The following SFXN1 variants were observed in gnomAD, a reference collection of about 807,000 sequenced individuals.
SFXN1 encodes sideroflexin 1.
Under a neutral mutation model 39.5 loss-of-function variants are expected in SFXN1, and 32 were observed. The ratio of observed to expected loss-of-function variants is 0.81; its 90% CI spans 0.61 to 1.09. The LOEUF (loss-of-function observed/expected upper bound fraction) is 1.09. Ranked by LOEUF, SFXN1 falls within the 50% of genes least tolerant of loss-of-function variation. The pLI is 0.00. For synonymous variants in SFXN1, 136 were observed against 146.5 expected (o/e 0.93, Z 0.52); for missense variants, 402 against 407.1 (o/e 0.99, Z 0.11).
At chr5:175,479,836 A>G (rs376100468) in intron 1 of SFXN1, among the ~76,000 whole-genome samples, 86 of 152,150 alleles carry the variant, frequency 5.7e-4, no homozygotes, top group African/African-American at 2.0e-3. Flanking sequence ...TTCTGCGTTG[A>G]CTTCTAGATT....
In SFXN1 at chr5:175,478,601, G is replaced by C. The variant is rs1730690101; in HGVS notation, c.-48G>C. 1 of 152,190 alleles carries C rather than the reference G, an allele frequency of 6.6e-6. No homozygotes were observed. The highest frequency in any genetic ancestry group is 1.5e-5 in the Non-Finnish European group (1 of 68,202). The allele number at this position is 152,190 out of a possible 1,614,324, so 9.4% of individuals were successfully genotyped here. ...GTGGCGGCGGAGGCTGCACTGAGCG[G>C]GACCTGCGAGCAGCGCGGGCGGCAG... On this transcript the variant is annotated 5_prime_UTR_variant, in exon 1 of 11. Transcript: ENST00000321442.
At chr5:175,492,710 G>A (rs140004052) in intron 2 of SFXN1, among the ~76,000 whole-genome samples, 1 of 152,322 alleles carries the variant, frequency 6.6e-6, no homozygotes, top group Non-Finnish European at 1.5e-5. Context: ...GTAGGTAGGA[G>A]CTCAGATGGG....
chr5:175,484,599 G>A (rs898758878), intron 1 of SFXN1, among the ~76,000 whole-genome samples: 11 of 152,258 alleles, frequency 7.2e-5, no homozygotes, highest in African/African-American at 2.7e-4. Flanking sequence ...AAGGCCTTAA[G>A]GATACCAGCA....
At chr5:175,521,768 C>T (rs1263479099) in intron 8 of SFXN1, 151 bp from the exon 9 acceptor site, 1 of 580,884 alleles carries the variant, frequency 1.7e-6, no homozygotes, top group East Asian at 2.6e-5. Context: ...GTTAGGCTAA[C>T]ACCCTTGTTG....
intron 8 of SFXN1, among the ~76,000 whole-genome samples, chr5:175,517,957 C>T (rs1760764819): frequency 6.6e-6 from 1 of 152,120 alleles, no homozygotes; most frequent in Admixed American, 6.5e-5. Flanking sequence ...CCTCCGCAAA[C>T]ATGAAACTAA....
At chr5:175,524,402 G>A (rs1760996254) in intron 10 of SFXN1, among the ~76,000 whole-genome samples, 1 of 151,412 alleles carries the variant, frequency 6.6e-6, no homozygotes, top group Non-Finnish European at 1.5e-5. Context: ...ACATTATTGT[G>A]TGTACCTATA....
intron 2 of SFXN1, among the ~76,000 whole-genome samples, chr5:175,501,063 A>ATTT (rs531862744): frequency 0.041 from 4,812 of 115,998 alleles, 476 homozygotes; most frequent in African/African-American, 0.16. Context: ...ATGGGCAAAG[A>ATTT]TTTTTTTTTT....
chr5:175,482,786 G>A (rs1459291855), intron 1 of SFXN1, among the ~76,000 whole-genome samples: 1 of 152,200 alleles, frequency 6.6e-6, no homozygotes, highest in Non-Finnish European at 1.5e-5. Flanking sequence ...TGTCTAGAAA[G>A]GAAATGATAG....
At chr5:175,490,274 G>A (rs925972079) in intron 1 of SFXN1, among the ~76,000 whole-genome samples, 15 of 152,198 alleles carry the variant, frequency 9.9e-5, no homozygotes, top group Non-Finnish European at 1.6e-4. Flanking sequence ...TTAGGACACC[G>A]TATAGCTGCA....
rs1761110681 is a variant in SFXN1 at position 175,527,786 on chromosome 5, G to A, written c.*1052G>A. 3 of 151,974 alleles carry A rather than the reference G, an allele frequency of 2.0e-5. No homozygotes were observed. In the South Asian group the frequency reaches 6.2e-4, roughly 31 times the overall value. The allele number at this position is 151,974 out of a possible 1,614,324, so 9.4% of individuals were successfully genotyped here. ...TACCACTGTTTACATCATCTGTAGT[G>A]ATTTCATAGATAATATATTTAATAT... is the stretch of plus-strand genomic sequence containing the variant. On this transcript the variant is annotated 3_prime_UTR_variant, in exon 11 of 11. Transcript: ENST00000321442.
At chr5:175,492,301 T>A (rs777896198) in intron 2 of SFXN1, 34 bp downstream of exon 2, 1 of 1,522,462 alleles carries the variant, frequency 6.6e-7, no homozygotes, top group Admixed American at 2.0e-5. Context: ...GTTTAATGTA[T>A]AAATAGATCA....
chr5:175,508,078 G>A (rs918943350), intron 2 of SFXN1, among the ~76,000 whole-genome samples: 1 of 151,454 alleles, frequency 6.6e-6, no homozygotes, highest in Non-Finnish European at 1.5e-5. Flanking sequence ...ATTGTTTAAA[G>A]TATTTTAGAG....
At chr5:175,509,325 G>A (rs1485521414) in intron 3 of SFXN1, 123 bp downstream of exon 3, 2 of 919,220 alleles carry the variant, frequency 2.2e-6, no homozygotes, top group Admixed American at 2.9e-5. Flanking sequence ...GACAAACAAG[G>A]TAATTAGCTT....
intron 1 of SFXN1, among the ~76,000 whole-genome samples, chr5:175,489,140 G>C (rs1393502472): frequency 6.6e-6 from 1 of 152,042 alleles, no homozygotes; most frequent in Non-Finnish European, 1.5e-5. Context: ...AAAGCTAACA[G>C]ATTTTTTTTC....
intron 8 of SFXN1, 40 bp from the exon 9 acceptor site, chr5:175,521,879 T>A (rs1415197612): frequency 6.5e-7 from 1 of 1,527,648 alleles, no homozygotes; most frequent in African/African-American, 1.4e-5. Context: ...TCTAAGACCC[T>A]GTATAAAAAG....
At chr5:175,483,538 T>C (rs942897213) in intron 1 of SFXN1, 3 of 152,238 alleles carry the variant, frequency 2.0e-5, no homozygotes, top group African/African-American at 7.2e-5. Flanking sequence ...TTCTAGCGCG[T>C]CTGTTCTAGC....
chr5:175,482,537 G>T (rs931364573), intron 1 of SFXN1, among the ~76,000 whole-genome samples: 2 of 152,090 alleles, frequency 1.3e-5, no homozygotes, highest in African/African-American at 2.4e-5. Context: ...GCCATTCCTG[G>T]CCCCAGGAGC....
intron 2 of SFXN1, among the ~76,000 whole-genome samples, chr5:175,494,033 A>G (rs1395703034): frequency 6.6e-6 from 1 of 152,248 alleles, no homozygotes; most frequent in Non-Finnish European, 1.5e-5. Flanking sequence ...CTGTAAGAGG[A>G]AAAGAGAATG....
intron 1 of SFXN1, among the ~76,000 whole-genome samples, chr5:175,482,038 T>C (rs1759272828): frequency 6.6e-6 from 1 of 152,174 alleles, no homozygotes; most frequent in Non-Finnish European, 1.5e-5. Context: ...TGTGTCATCT[T>C]GGGCATGGTA....
Sources: allele counts gnomAD v4.1 joint callset (sites outside exome capture counted in the v4.1 genomes callset), GRCh38; gene constraint gnomAD v4.1.1; transcripts MANE v1.5; gene names NCBI Gene and HGNC (gene_info 2026-07-23, HGNC 2026-07-21).